Variants in TENM3 observed in about 807,000 individuals in gnomAD.
TENM3 encodes the protein teneurin-3.
Under a neutral mutation model 255.1 loss-of-function variants are expected in TENM3, and 63 were observed. The observed-to-expected ratio is 0.25, with a 90% CI of 0.20 to 0.30. The LOEUF (loss-of-function observed/expected upper bound fraction) is 0.30, where lower values mean the gene tolerates loss of function less well. Ranked by LOEUF, TENM3 falls within the 10% of genes least tolerant of loss-of-function variation. TENM3 has a pLI of 1.00. For missense variants in TENM3, 2,929 were observed against 3,461.1 expected (o/e 0.85, Z 3.86); for synonymous variants, 1,306 against 1,322.3 (o/e 0.99, Z 0.27).
the TENM3 span, among the ~76,000 whole-genome samples, chr4:181,616,930 C>T: frequency 3.9e-5 from 6 of 152,228 alleles, no homozygotes; most frequent in South Asian, 6.2e-4. Context: ...TGGACATACT[C>T]GTAAATAATG....
At chr4:182,569,805 A>G (rs945533860) in intron 3 of TENM3, among the ~76,000 whole-genome samples, 2 of 152,174 alleles carry the variant, frequency 1.3e-5, no homozygotes, top group African/African-American at 4.8e-5. Context: ...GGGTGAGTAA[A>G]TTTGATAACT....
intron 5 of TENM3, among the ~76,000 whole-genome samples, chr4:182,643,827 ACT>A (rs1475737745): frequency 2.0e-5 from 3 of 152,032 alleles, no homozygotes; most frequent in Admixed American, 6.6e-5. Flanking sequence ...AGAAAGGGAA[ACT>A]CTACATCCTT....
chr4:181,539,104 T>C, the TENM3 span, among the ~76,000 whole-genome samples: 1 of 152,220 alleles, frequency 6.6e-6, no homozygotes, highest in South Asian at 2.1e-4. Flanking sequence ...GCAGACTACG[T>C]TCAATGTTCA....
chr4:181,794,199 T>TAC, the TENM3 span, among the ~76,000 whole-genome samples: 10 of 152,026 alleles, frequency 6.6e-5, no homozygotes, highest in Non-Finnish European at 1.5e-4. Context: ...TATATATATA[T>TAC]ACACACTGCA....
At chr4:181,911,239 A>G in the TENM3 span, among the ~76,000 whole-genome samples, 1 of 152,304 alleles carries the variant, frequency 6.6e-6, no homozygotes, top group South Asian at 2.1e-4. Flanking sequence ...TTCAAGCTGC[A>G]TTTCCAATGA....
At chr4:182,014,765 C>T in the TENM3 span, among the ~76,000 whole-genome samples, 1 of 152,088 alleles carries the variant, frequency 6.6e-6, no homozygotes, top group Non-Finnish European at 1.5e-5. Flanking sequence ...ATGAGGTGTA[C>T]CAGGGGCGGC....
intron 1 of TENM3, among the ~76,000 whole-genome samples, chr4:182,294,686 C>A (rs1001752886): frequency 6.6e-6 from 1 of 152,164 alleles, no homozygotes; most frequent in Non-Finnish European, 1.5e-5. Flanking sequence ...CAACCAAAAG[C>A]TGCTGTACTA....
chr4:181,458,511 C>G, the TENM3 span, among the ~76,000 whole-genome samples: 1 of 151,818 alleles, frequency 6.6e-6, no homozygotes, highest in Non-Finnish European at 1.5e-5. Flanking sequence ...GAGATGCGTG[C>G]GTAGTAGCTA....
At chr4:182,689,686 A>G (rs140273283) in intron 12 of TENM3, among the ~76,000 whole-genome samples, 469 of 152,312 alleles carry the variant, frequency 3.1e-3, no homozygotes, top group African/African-American at 0.011. Flanking sequence ...TTTTCCCAGC[A>G]GCGAAACGAA....
intron 3 of TENM3, among the ~76,000 whole-genome samples, chr4:182,570,476 T>C (rs1580973782): frequency 6.6e-6 from 1 of 152,242 alleles, no homozygotes; most frequent in East Asian, 1.9e-4. Context: ...TATTTAGCTC[T>C]GTGGAAAATC....
intron 4 of TENM3, among the ~76,000 whole-genome samples, chr4:182,617,187 C>G (rs1749622926): frequency 6.6e-6 from 1 of 152,016 alleles, no homozygotes; most frequent in Non-Finnish European, 1.5e-5. Context: ...ATATTTTGGG[C>G]TGATTCTGTG....
chr4:181,898,254 C>T, the TENM3 span, among the ~76,000 whole-genome samples: 3 of 148,392 alleles, frequency 2.0e-5, no homozygotes, highest in East Asian at 5.9e-4. Context: ...GTCAACACAT[C>T]TGCAGCTACA....
At chr4:182,058,201 A>G in the TENM3 span, among the ~76,000 whole-genome samples, 62,865 of 148,614 alleles carry the variant, frequency 0.42, 16,549 homozygotes, top group African/African-American at 0.75. Flanking sequence ...AGGCAAGAAC[A>G]CAATTCCACT....
the TENM3 span, among the ~76,000 whole-genome samples, chr4:181,508,634 A>G: frequency 2.0e-5 from 3 of 152,154 alleles, no homozygotes; most frequent in African/African-American, 7.2e-5. Flanking sequence ...TCGGCTCTGA[A>G]GGGTGACACT....
the TENM3 span, among the ~76,000 whole-genome samples, chr4:181,605,133 C>A: frequency 6.6e-6 from 1 of 151,858 alleles, no homozygotes; most frequent in Non-Finnish European, 1.5e-5. Flanking sequence ...GAAAGAAATA[C>A]GTAAGGGACC....
At chr4:182,419,419 G>A (rs1274682578) in intron 3 of TENM3, among the ~76,000 whole-genome samples, 5 of 152,190 alleles carry the variant, frequency 3.3e-5, no homozygotes, top group Admixed American at 1.3e-4. Flanking sequence ...TACACTGTTG[G>A]TGGGAGTGTA....
intron 1 of TENM3, among the ~76,000 whole-genome samples, chr4:182,298,086 G>A (rs546432879): frequency 6.2e-4 from 94 of 152,300 alleles, no homozygotes; most frequent in Non-Finnish European, 1.1e-3. Flanking sequence ...CCCGGCACAT[G>A]TACTCATCTC....
At chr4:182,424,898 C>A (rs972898388) in intron 3 of TENM3, among the ~76,000 whole-genome samples, 1 of 152,054 alleles carries the variant, frequency 6.6e-6, no homozygotes, top group Non-Finnish European at 1.5e-5. Flanking sequence ...TTATATTTAA[C>A]CTCACTAGAT....
chr4:181,631,214 G>A, the TENM3 span, among the ~76,000 whole-genome samples: 1 of 152,000 alleles, frequency 6.6e-6, no homozygotes, highest in Non-Finnish European at 1.5e-5. Flanking sequence ...CCCAGAGGCT[G>A]ATCTCAGCTC....
Sources: gnomAD v4.1 joint callset for allele counts (sites outside exome capture counted in the v4.1 genomes callset) on GRCh38, gnomAD v4.1.1 for gene constraint, MANE v1.5 for transcripts, NCBI Gene and HGNC (gene_info 2026-07-23, HGNC 2026-07-21) for gene names.